Variants in CNTN4 observed in about 807,000 individuals in gnomAD.
CNTN4 encodes the protein contactin-4.
A neutral mutation model predicts 122.5 loss-of-function variants in CNTN4; 77 were observed. The observed-to-expected ratio is 0.63, with a 90% CI of 0.52 to 0.76. CNTN4 has a LOEUF of 0.76. Among genes scored for constraint, CNTN4 ranks in the 30% least tolerant of loss-of-function variants. CNTN4 has a pLI of 0.00. For missense variants in CNTN4, 1,256 were observed against 1,259.1 expected (o/e 1.00, Z 0.04); for synonymous variants, 512 against 447.0 (o/e 1.15, Z -1.83).
At chr3:2,536,298 GT>G (rs1462906762) in intron 3 of CNTN4, among the ~76,000 whole-genome samples, 2 of 152,120 alleles carry the variant, frequency 1.3e-5, no homozygotes, top group Non-Finnish European at 2.9e-5. Flanking sequence ...TTTCGTCCCA[GT>G]TTTTAAGCCT....
chr3:2,494,350 G>T, intron 3 of CNTN4, among the ~76,000 whole-genome samples: 1 of 152,314 alleles, frequency 6.6e-6, no homozygotes, highest in South Asian at 2.1e-4. Flanking sequence ...CCTGAAGCAT[G>T]TGGCAGGGGG....
In CNTN4 at chr3:3,046,887, C is replaced by T. The variant is rs1047559063; in HGVS notation, c.2811+3183C>T. ...TGCTGTATTCAGGAAACCTGTCTCA[C>T]GTGCAGGGACACACATAGGCTCAAA... is the stretch of plus-strand genomic sequence containing the variant. On this transcript the variant is annotated intron_variant, in intron 23 of 24. Coordinates refer to ENST00000418658, the MANE Select transcript of CNTN4 (RefSeq NM_175607.3). 1.3e-4 allele frequency among the ~76,000 whole-genome samples: 18 copies of T among 138,242 alleles called. 1 individual carries two copies. Among genetic ancestry groups the T allele is most frequent in the Non-Finnish European group, 1.9e-4 (12 of 62,916 alleles). The allele number at this position is 138,242 out of a possible 152,430, so 90.7% of individuals were successfully genotyped here.
At chr3:2,770,037 T>G (rs1183315581) in intron 6 of CNTN4, among the ~76,000 whole-genome samples, 2 of 145,406 alleles carry the variant, frequency 1.4e-5, no homozygotes, top group African/African-American at 5.3e-5. Flanking sequence ...GTTTGTTTGT[T>G]TTTTTTTTTT....
intron 3 of CNTN4, among the ~76,000 whole-genome samples, chr3:2,372,858 G>A (rs1332171799): frequency 2.0e-5 from 3 of 152,050 alleles, no homozygotes; most frequent in Non-Finnish European, 4.4e-5. Flanking sequence ...GACCAGCCTG[G>A]CCAACATGGT....
chr3:2,187,192 C>G (rs1390952580), intron 2 of CNTN4, among the ~76,000 whole-genome samples: 1 of 152,160 alleles, frequency 6.6e-6, no homozygotes, highest in Admixed American at 6.5e-5. Flanking sequence ...GGAATCCTTT[C>G]CGCATTTCTT....
At chr3:2,190,821 CACACACACACACAT>C (rs1459378200) in intron 2 of CNTN4, among the ~76,000 whole-genome samples, 3 of 151,308 alleles carry the variant, frequency 2.0e-5, no homozygotes, top group East Asian at 3.9e-4. Context: ...CACACACACA[CACACACACACACAT>C]ACACACACAC....
chr3:2,249,095 A>T (rs566238809), intron 2 of CNTN4, among the ~76,000 whole-genome samples: 1 of 151,840 alleles, frequency 6.6e-6, no homozygotes, highest in Non-Finnish European at 1.5e-5. Flanking sequence ...AAACATCACT[A>T]TGTATCTCCT....
At chr3:3,023,357 T>A (rs1483831239) in intron 14 of CNTN4, among the ~76,000 whole-genome samples, 3 of 152,184 alleles carry the variant, frequency 2.0e-5, no homozygotes, top group African/African-American at 7.2e-5. Context: ...GCACAACAAC[T>A]GCACCAACAT....
intron 3 of CNTN4, among the ~76,000 whole-genome samples, chr3:2,437,645 C>A (rs2048301840): frequency 6.6e-6 from 1 of 152,156 alleles, no homozygotes; most frequent in Non-Finnish European, 1.5e-5. Flanking sequence ...TCACTCTCAA[C>A]CATTCTGATG....
At chr3:2,798,291 G>GTATA (rs759002621) in intron 6 of CNTN4, among the ~76,000 whole-genome samples, 6 of 100,058 alleles carry the variant, frequency 6.0e-5, no homozygotes, top group African/African-American at 2.0e-4. Context: ...GTGTGTGTGT[G>GTATA]TGTATATATA....
At chr3:2,890,054 G>T (rs2094021177) in intron 10 of CNTN4, among the ~76,000 whole-genome samples, 1 of 152,204 alleles carries the variant, frequency 6.6e-6, no homozygotes, top group African/African-American at 2.4e-5. Flanking sequence ...CCTGCTTTCT[G>T]AAGATAACTC....
chr3:2,449,501 G>C (rs187385159), intron 3 of CNTN4, among the ~76,000 whole-genome samples: 117 of 152,012 alleles, frequency 7.7e-4, no homozygotes, highest in African/African-American at 2.7e-3. Flanking sequence ...TGTTATCCCA[G>C]CTACTAGGGA....
At chr3:2,699,341 G>A (rs533263995) in intron 4 of CNTN4, among the ~76,000 whole-genome samples, 2 of 152,186 alleles carry the variant, frequency 1.3e-5, no homozygotes, top group East Asian at 1.9e-4. Context: ...TCTCCACTCG[G>A]TTCCTTCCTG....
intron 3 of CNTN4, among the ~76,000 whole-genome samples, chr3:2,378,629 C>A (rs1007875018): frequency 1.2e-4 from 19 of 152,120 alleles, no homozygotes; most frequent in Non-Finnish European, 7.4e-5. Context: ...CTGGCCTCCC[C>A]GTAGTACTTC....
intron 6 of CNTN4, among the ~76,000 whole-genome samples, chr3:2,777,937 G>C (rs1011398221): frequency 6.6e-6 from 1 of 152,012 alleles, no homozygotes. Context: ...AATAACTGCT[G>C]GGTGCGGTGG....
chr3:2,369,269 G>T (rs1007866243), intron 3 of CNTN4, among the ~76,000 whole-genome samples: 3 of 152,106 alleles, frequency 2.0e-5, no homozygotes, highest in African/African-American at 7.2e-5. Context: ...CATTGTCCCT[G>T]TTTTTGAGTT....
intron 3 of CNTN4, among the ~76,000 whole-genome samples, chr3:2,361,378 T>C (rs905901763): frequency 5.3e-5 from 8 of 152,170 alleles, no homozygotes; most frequent in Non-Finnish European, 1.0e-4. Context: ...CACTGGAGGA[T>C]AGGTGCTATT....
rs2087021936 is a variant in CNTN4 at position 2,709,959 on chromosome 3, A to G, written c.56-26256A>G. On this transcript the variant is annotated intron_variant, in intron 4 of 24. Coordinates refer to ENST00000418658, the MANE Select transcript of CNTN4 (RefSeq NM_175607.3). The surrounding 1 kb of genome is among the most constrained non-coding windows in gnomAD (Gnocchi z 5.0). ...CTCCAAAGAGCATGTTTCCACACTT[A>G]ATGCTTATTGCTGAAACCCTCCTTT... Among the ~76,000 whole-genome samples, 1 of 152,136 alleles carries G rather than the reference A, an allele frequency of 6.6e-6. No individual in the cohort carries two copies. Among genetic ancestry groups the G allele is most frequent in the Non-Finnish European group, 1.5e-5 (1 of 68,022 alleles).
At chr3:2,544,612 C>T (rs2078168894) in intron 3 of CNTN4, among the ~76,000 whole-genome samples, 1 of 151,964 alleles carries the variant, frequency 6.6e-6, no homozygotes, top group South Asian at 2.1e-4. Flanking sequence ...GATTGTGTGT[C>T]CGGGGTTTTA....
Sources: allele counts gnomAD v4.1 joint callset (sites outside exome capture counted in the v4.1 genomes callset), GRCh38; gene constraint gnomAD v4.1.1; non-coding constraint Gnocchi (gnomAD v3.1); transcripts MANE v1.5; gene names NCBI Gene and HGNC (gene_info 2026-07-23, HGNC 2026-07-21).